MGAT4C: variants seen among roughly 807,000 people sequenced by gnomAD.
The protein encoded by MGAT4C is alpha-1,3-mannosyl-glycoprotein 4-beta-N-acetylglucosaminyltransferase C.
In MGAT4C, 19 loss-of-function variants were observed where a neutral mutation model predicts 40.1. The ratio of observed to expected loss-of-function variants is 0.47; its 90% confidence interval spans 0.33 to 0.70. The LOEUF is 0.70. MGAT4C is among the 30% of genes least tolerant of loss of function. The pLI, the probability that MGAT4C is intolerant of heterozygous loss-of-function variation, is 0.02. For missense variants in MGAT4C, 491 were observed against 563.2 expected (o/e 0.87, Z 1.30); for synonymous variants, 181 against 187.1 (o/e 0.97, Z 0.27).
intron 1 of MGAT4C, among the ~76,000 whole-genome samples, chr12:86,167,559 T>C (rs1375666909): frequency 1.3e-5 from 2 of 152,148 alleles, no homozygotes; most frequent in African/African-American, 4.8e-5. Context: ...AAGTCCATGA[T>C]TGATTAAGAG....
At chr12:86,038,769 C>T (rs913379044) in intron 2 of MGAT4C, among the ~76,000 whole-genome samples, 1 of 149,604 alleles carries the variant, frequency 6.7e-6, no homozygotes, top group Non-Finnish European at 1.5e-5. Context: ...TTTGATCCTG[C>T]CTTTATAATG....
At chr12:86,434,450 A>G (rs1247230280) in intron 3 of MGAT4C, among the ~76,000 whole-genome samples, 2 of 151,928 alleles carry the variant, frequency 1.3e-5, no homozygotes, top group East Asian at 3.9e-4. Context: ...ATATGTATAC[A>G]CATGTATATG....
chr12:86,243,791 C>T (rs746835452), intron 1 of MGAT4C, among the ~76,000 whole-genome samples: 2 of 152,168 alleles, frequency 1.3e-5, no homozygotes, highest in Non-Finnish European at 2.9e-5. Flanking sequence ...ATTGCAGCCT[C>T]CAGAGACCCA....
At chr12:86,541,064 A>G (rs1959165323) in intron 2 of MGAT4C, among the ~76,000 whole-genome samples, 1 of 152,188 alleles carries the variant, frequency 6.6e-6, no homozygotes, top group African/African-American at 2.4e-5. Flanking sequence ...GACATTGTTC[A>G]TTGAAGTTAC....
intron 1 of MGAT4C, among the ~76,000 whole-genome samples, chr12:86,218,890 G>A (rs550671427): frequency 2.0e-5 from 3 of 152,244 alleles, no homozygotes; most frequent in Non-Finnish European, 4.4e-5. Flanking sequence ...TTAAAAGTAT[G>A]TAAATTCAGG....
At position 85,976,223 on chromosome 12, in the gene MGAT4C, C is replaced by T. The variant is rs1883972675; in HGVS notation, c.*3066G>A. 1 of 150,574 alleles carries T rather than the reference C, an allele frequency of 6.6e-6. No homozygotes were observed. The highest frequency in any genetic ancestry group is 2.4e-5 in the African/African-American group (1 of 41,230). The allele number at this position is 150,574 out of a possible 1,614,324, so 9.3% of individuals were successfully genotyped here. A position where few individuals can be genotyped will look rare whatever the true frequency, so the allele number is the denominator to read the frequency against. Reference sequence around the variant, plus strand: ...GTGTAGCTATATGAAAGAAATAGATCTAAACGACAGGTTGGTTTCCAAATT... The same window carrying T: ...GTGTAGCTATATGAAAGAAATAGATTTAAACGACAGGTTGGTTTCCAAATT... On this transcript the variant is annotated 3_prime_UTR_variant, in exon 5 of 5. Transcript: ENST00000611864.
chr12:86,421,433 A>C (rs1188852047), intron 3 of MGAT4C, among the ~76,000 whole-genome samples: 1 of 152,114 alleles, frequency 6.6e-6, no homozygotes, highest in African/African-American at 2.4e-5. Context: ...TTTTTTCCCA[A>C]ATAACCCTAT....
rs1428318563 is a variant in MGAT4C, at chr12:86,526,231, G to A, written c.-228-90966C>T. On this transcript the variant is annotated intron_variant, in intron 2 of 7. Coordinates refer to the MGAT4C transcript ENST00000548651. ...TGGTACAAGGGCAGGGTGCTGGCAG[G>A]AGCAGGGTTGGCCGGCTCTGTGCCC... Among the ~76,000 whole-genome samples, 4 of 152,184 alleles carry A rather than the reference G, an allele frequency of 2.6e-5. No homozygotes were observed. In the East Asian group the frequency reaches 7.8e-4, roughly 30 times the overall value.
chr12:86,337,902 A>G (rs1423636124), intron 3 of MGAT4C, among the ~76,000 whole-genome samples: 2 of 152,170 alleles, frequency 1.3e-5, no homozygotes, highest in African/African-American at 4.8e-5. Context: ...CATATGTTTT[A>G]TAAGAGAATT....
chr12:86,211,587 AAAAC>A (rs202003594), intron 1 of MGAT4C, among the ~76,000 whole-genome samples: 5 of 151,312 alleles, frequency 3.3e-5, no homozygotes, highest in Admixed American at 1.3e-4. Flanking sequence ...ACTCCCTCTC[AAAAC>A]AAACAAACAA....
At chr12:86,624,425 A>C (rs965955809) in intron 2 of MGAT4C, among the ~76,000 whole-genome samples, 1 of 152,192 alleles carries the variant, frequency 6.6e-6, no homozygotes, top group Non-Finnish European at 1.5e-5. Context: ...TTGCCCCAAC[A>C]TACAAACAGA....
intron 1 of MGAT4C, among the ~76,000 whole-genome samples, chr12:86,106,353 T>C (rs181414300): frequency 6.6e-6 from 1 of 152,164 alleles, no homozygotes; most frequent in African/African-American, 2.4e-5. Context: ...CCGGCTGGAG[T>C]GCAGTGGCAC....
At chr12:86,517,424 A>G (rs1267842773) in intron 2 of MGAT4C, among the ~76,000 whole-genome samples, 2 of 152,108 alleles carry the variant, frequency 1.3e-5, no homozygotes, top group Non-Finnish European at 2.9e-5. Context: ...AAATATTACT[A>G]TCTTTGGTGC....
intron 3 of MGAT4C, among the ~76,000 whole-genome samples, chr12:86,408,358 G>T (rs1159627494): frequency 6.6e-6 from 1 of 150,866 alleles, no homozygotes; most frequent in East Asian, 2.0e-4. Flanking sequence ...TGTGTTTGAG[G>T]AGATTTTGTG....
In MGAT4C at chr12:86,585,730, T is replaced by A. The variant is rs1440537234; in HGVS notation, c.-229+141479A>T. 2.7e-5 allele frequency among the ~76,000 whole-genome samples: 4 copies of A among 149,794 alleles called. No homozygotes were observed. In the East Asian group the frequency reaches 7.8e-4, roughly 29 times the overall value. ...CCAAATAGGCTCCATGTTTTATTTTTTTTAATTTTTTTTTTAATTTTTCTT... is the reference window on the plus strand; with the variant it reads ...CCAAATAGGCTCCATGTTTTATTTTATTTAATTTTTTTTTTAATTTTTCTT... On this transcript the variant is annotated intron_variant, in intron 2 of 7. Coordinates refer to the MGAT4C transcript ENST00000548651.
intron 4 of MGAT4C, among the ~76,000 whole-genome samples, chr12:86,287,210 C>A (rs1229742275): frequency 6.6e-6 from 1 of 152,038 alleles, no homozygotes; most frequent in Non-Finnish European, 1.5e-5. Flanking sequence ...CTACACACAC[C>A]AGGGAAGTGT....
chr12:86,754,229 A>C (rs1448056852), intron 1 of MGAT4C, among the ~76,000 whole-genome samples: 1 of 152,194 alleles, frequency 6.6e-6, no homozygotes, highest in Non-Finnish European at 1.5e-5. Context: ...GAATAAAAGA[A>C]GACAGATCAA....
At chr12:86,292,148 G>A (rs1953533727) in intron 4 of MGAT4C, among the ~76,000 whole-genome samples, 1 of 152,164 alleles carries the variant, frequency 6.6e-6, no homozygotes, top group Non-Finnish European at 1.5e-5. Flanking sequence ...AACAGATGAA[G>A]TTTATTAAGC....
At chr12:86,768,515 T>C (rs1337854569) in intron 1 of MGAT4C, among the ~76,000 whole-genome samples, 1 of 151,778 alleles carries the variant, frequency 6.6e-6, no homozygotes, top group Non-Finnish European at 1.5e-5. Flanking sequence ...TGGAAAAAAC[T>C]ACTTTAAAGT....
Sources: gnomAD v4.1 joint callset for allele counts (sites outside exome capture counted in the v4.1 genomes callset) on GRCh38, gnomAD v4.1.1 for gene constraint, MANE v1.5 for transcripts, NCBI Gene and HGNC (gene_info 2026-07-23, HGNC 2026-07-21) for gene names.